Variants in LRRC4C observed in about 807,000 individuals in gnomAD.
LRRC4C encodes the protein leucine-rich repeat-containing protein 4C.
Under a neutral mutation model 33.6 loss-of-function variants are expected in LRRC4C, and 5 were observed. That is an observed-to-expected ratio of 0.15 (90% confidence interval 0.08 to 0.31). The LOEUF (loss-of-function observed/expected upper bound fraction) is 0.31, where lower values mean the gene tolerates loss of function less well. Ranked by LOEUF, LRRC4C falls within the 10% of genes least tolerant of loss-of-function variation. The probability of loss-of-function intolerance (pLI) is 1.00; values close to 1 mark genes in which losing one functional copy is unlikely to be tolerated. For missense variants in LRRC4C, 560 were observed against 796.7 expected, an observed-to-expected ratio of 0.70 and a Z score of 3.58; for synonymous variants, 329 against 302.0, an observed-to-expected ratio of 1.09 and a Z score of -0.93.
At chr11:40,967,548 T>C (rs1592214018) in intron 1 of LRRC4C, among the ~76,000 whole-genome samples, 1 of 152,170 alleles carries the variant, frequency 6.6e-6, no homozygotes, top group Admixed American at 6.6e-5. Flanking sequence ...TGTCTCAATG[T>C]CATGTTTTTG....
intron 1 of LRRC4C, among the ~76,000 whole-genome samples, chr11:41,208,154 T>A (rs1946675115): frequency 1.3e-5 from 2 of 152,136 alleles, no homozygotes; most frequent in Admixed American, 6.5e-5. Flanking sequence ...ATCAGGAACA[T>A]GCTGTTAGGA....
intron 1 of LRRC4C, among the ~76,000 whole-genome samples, chr11:41,034,433 AACACACAC>A (rs3067314): frequency 3.0e-4 from 42 of 139,200 alleles, no homozygotes; most frequent in Non-Finnish European, 4.7e-4. Flanking sequence ...GAACAATCCA[AACACACAC>A]ACACACACAC....
At chr11:40,372,539 C>G (rs1039431659) in intron 3 of LRRC4C, among the ~76,000 whole-genome samples, 1 of 152,136 alleles carries the variant, frequency 6.6e-6, no homozygotes, top group African/African-American at 2.4e-5. Context: ...AATACATCAG[C>G]GAATTCTCTT....
intron 1 of LRRC4C, among the ~76,000 whole-genome samples, chr11:41,220,195 G>A (rs1317311295): frequency 1.3e-5 from 2 of 152,036 alleles, no homozygotes; most frequent in East Asian, 3.9e-4. Context: ...CTTTGTACCA[G>A]GCATGCTCTA....
intron 4 of LRRC4C, among the ~76,000 whole-genome samples, chr11:40,302,739 C>T (rs907413449): frequency 2.6e-5 from 4 of 152,070 alleles, no homozygotes; most frequent in Non-Finnish European, 5.9e-5. Flanking sequence ...CTTAGCAATG[C>T]TTTAGTAACT....
intron 3 of LRRC4C, among the ~76,000 whole-genome samples, chr11:40,343,896 C>G (rs907013697): frequency 6.6e-6 from 1 of 151,878 alleles, no homozygotes; most frequent in African/African-American, 2.4e-5. Flanking sequence ...GCTAGAAAAC[C>G]TAGAAGAAAT....
intron 1 of LRRC4C, among the ~76,000 whole-genome samples, chr11:41,266,407 A>G (rs1949153423): frequency 6.6e-6 from 1 of 152,136 alleles, no homozygotes; most frequent in African/African-American, 2.4e-5. Context: ...GACTGGAGCT[A>G]AAGGTAAACC....
intron 2 of LRRC4C, among the ~76,000 whole-genome samples, chr11:40,882,740 C>T (rs1366934318): frequency 1.3e-5 from 2 of 152,154 alleles, no homozygotes; most frequent in South Asian, 4.2e-4. Context: ...ATTTACTGCC[C>T]ATACTGACCT....
intron 1 of LRRC4C, among the ~76,000 whole-genome samples, chr11:41,302,146 G>A (rs1257972252): frequency 6.6e-6 from 1 of 152,114 alleles, no homozygotes; most frequent in Non-Finnish European, 1.5e-5. Flanking sequence ...TCAAAAATTG[G>A]AAATTAGGAT....
rs531914109 is a variant in LRRC4C at position 40,799,517 on chromosome 11, C to T, written c.-407+134118G>A. ...TTATTTATTTATTATTTTTTTGAGT[C>T]AGAGTCTCACTCTGTCACCCAGGCT... is the stretch of plus-strand genomic sequence containing the variant. On this transcript the variant is annotated intron_variant, in intron 2 of 6. Transcript: ENST00000528697. Among the ~76,000 whole-genome samples the T allele has an allele frequency of 3.9e-5, 6 of 152,192 alleles. No homozygotes were observed. In the East Asian group the frequency reaches 1.2e-3, roughly 29 times the overall value.
chr11:40,463,626 A>G (rs1385280576), intron 3 of LRRC4C, among the ~76,000 whole-genome samples: 2 of 152,100 alleles, frequency 1.3e-5, no homozygotes, highest in Admixed American at 6.6e-5. Context: ...TCTTTTCAAG[A>G]ATAGTCTTTC....
chr11:41,363,817 GCTAT>G (rs1488507226), intron 1 of LRRC4C, among the ~76,000 whole-genome samples: 6 of 152,098 alleles, frequency 3.9e-5, no homozygotes, highest in East Asian at 1.9e-4. Flanking sequence ...CTGTACAGGT[GCTAT>G]CTATTACAGA....
intron 3 of LRRC4C, among the ~76,000 whole-genome samples, chr11:40,546,367 C>A (rs1258160552): frequency 6.6e-6 from 1 of 151,986 alleles, no homozygotes; most frequent in Non-Finnish European, 1.5e-5. Context: ...TATATTTTTA[C>A]CACCTTCTAT....
At chr11:41,441,865 T>C (rs1359312474) in intron 1 of LRRC4C, among the ~76,000 whole-genome samples, 1 of 152,162 alleles carries the variant, frequency 6.6e-6, no homozygotes, top group Non-Finnish European at 1.5e-5. Flanking sequence ...TACTATTACT[T>C]ATAGCCAAGA....
At chr11:40,833,772 A>G (rs551737500) in intron 2 of LRRC4C, among the ~76,000 whole-genome samples, 1 of 102,022 alleles carries the variant, frequency 9.8e-6, no homozygotes, top group East Asian at 4.7e-4. Context: ...TGTATATATT[A>G]CATTTAGAAA....
intron 1 of LRRC4C, among the ~76,000 whole-genome samples, chr11:41,095,641 G>C (rs1307005669): frequency 3.3e-5 from 5 of 152,160 alleles, no homozygotes; most frequent in East Asian, 3.9e-4. Flanking sequence ...CTAACCCTGG[G>C]ATAGAAGTGG....
intron 4 of LRRC4C, among the ~76,000 whole-genome samples, chr11:40,280,723 T>G (rs1356037331): frequency 6.6e-6 from 1 of 152,202 alleles, no homozygotes; most frequent in Non-Finnish European, 1.5e-5. Flanking sequence ...CAGAGACTGC[T>G]GCTCTGCACT....
chr11:40,926,675 CT>C (rs141244741), intron 2 of LRRC4C, among the ~76,000 whole-genome samples: 9,147 of 152,048 alleles, frequency 0.06, 391 homozygotes, highest in Admixed American at 0.15. Flanking sequence ...TTATAGTATA[CT>C]TTTTTTAAAA....
intron 1 of LRRC4C, among the ~76,000 whole-genome samples, chr11:41,366,777 T>C (rs1007503171): frequency 3.3e-5 from 5 of 152,128 alleles, no homozygotes; most frequent in Non-Finnish European, 5.9e-5. Flanking sequence ...GGGAAGACCA[T>C]GTGAAAACTG....
Sources: allele counts gnomAD v4.1 joint callset (sites outside exome capture counted in the v4.1 genomes callset), GRCh38; gene constraint gnomAD v4.1.1; transcripts MANE v1.5; gene names NCBI Gene and HGNC (gene_info 2026-07-23, HGNC 2026-07-21).